The following PCDHA4 variants were observed in gnomAD, a reference collection of about 807,000 sequenced individuals.
The protein encoded by PCDHA4 is protocadherin alpha-4.
Under a neutral mutation model 61.4 loss-of-function variants are expected in PCDHA4, and 49 were observed. That is an observed-to-expected ratio of 0.80 (90% CI 0.63 to 1.01). The LOEUF (loss-of-function observed/expected upper bound fraction) is 1.01, where lower values mean the gene tolerates loss of function less well. Ranked by LOEUF, PCDHA4 falls within the 50% of genes least tolerant of loss-of-function variation. PCDHA4 has a pLI of 0.00. For missense variants in PCDHA4, 1,254 were observed against 1,235.8 expected (o/e 1.01, Z -0.22); for synonymous variants, 590 against 550.3 (o/e 1.07, Z -1.01).
chr5:140,892,813 T>C (rs1335475161), intron 1 of PCDHA4, among the ~76,000 whole-genome samples: 1 of 152,228 alleles, frequency 6.6e-6, no homozygotes, highest in Non-Finnish European at 1.5e-5. Context: ...ACCATATTTA[T>C]CCTACAGTGC....
At chr5:140,829,894 A>C (rs201316180) in intron 1 of PCDHA4, 21 of 1,613,840 alleles carry the variant, frequency 1.3e-5, no homozygotes, top group Non-Finnish European at 1.7e-5. Context: ...ACGCCGACTC[A>C]GGCTACAACG....
chr5:140,987,214 A>G (rs78124050), intron 3 of PCDHA4, among the ~76,000 whole-genome samples: 3 of 131,916 alleles, frequency 2.3e-5, no homozygotes, highest in Admixed American at 2.2e-4. Context: ...ACTCCATCTC[A>G]AAAAAAAAAA....
intron 1 of PCDHA4, among the ~76,000 whole-genome samples, chr5:140,819,733 T>C (rs1554127740): frequency 6.6e-6 from 1 of 152,076 alleles, no homozygotes; most frequent in East Asian, 1.9e-4. Context: ...GATATGAAAG[T>C]GAATCAAAAG....
At chr5:140,962,295 A>G (rs1215334325) in intron 1 of PCDHA4, among the ~76,000 whole-genome samples, 2 of 152,196 alleles carry the variant, frequency 1.3e-5, no homozygotes, top group African/African-American at 4.8e-5. Flanking sequence ...TTAATATTCT[A>G]TGATTCTTGT....
chr5:140,986,018 C>T (rs943946792), intron 3 of PCDHA4, among the ~76,000 whole-genome samples: 2 of 152,110 alleles, frequency 1.3e-5, no homozygotes, highest in African/African-American at 2.4e-5. Flanking sequence ...GGATTACAGG[C>T]GTGAGCCACT....
intron 1 of PCDHA4, chr5:140,968,996 G>T: frequency 1.2e-6 from 2 of 1,614,202 alleles, no homozygotes; most frequent in Non-Finnish European, 1.7e-6. Flanking sequence ...ATGCTGTGGA[G>T]GCTTCTGTGG....
intron 1 of PCDHA4, among the ~76,000 whole-genome samples, chr5:140,827,633 G>C (rs143632043): frequency 2.0e-5 from 3 of 152,212 alleles, no homozygotes; most frequent in Admixed American, 2.0e-4. Flanking sequence ...GTGTAGAATA[G>C]TTTACATTTC....
At chr5:140,838,873 C>T (rs1006134585) in intron 1 of PCDHA4, among the ~76,000 whole-genome samples, 8 of 151,796 alleles carry the variant, frequency 5.3e-5, no homozygotes, top group Non-Finnish European at 1.0e-4. Context: ...AGTTATCATG[C>T]CACTGAACTC....
chr5:140,943,804 G>C (rs996208541), intron 1 of PCDHA4, among the ~76,000 whole-genome samples: 2 of 152,224 alleles, frequency 1.3e-5, no homozygotes, highest in Non-Finnish European at 2.9e-5. Flanking sequence ...AGCAAAAGAG[G>C]AAAGTTTGAA....
At chr5:140,870,077 G>T (rs2051636689) in intron 1 of PCDHA4, 1 of 1,613,688 alleles carries the variant, frequency 6.2e-7, no homozygotes, top group African/African-American at 1.3e-5. Context: ...ACAGATAAGG[G>T]GACTCCCCCA....
intron 1 of PCDHA4, chr5:140,870,381 G>T: frequency 6.2e-7 from 1 of 1,614,214 alleles, no homozygotes; most frequent in African/African-American, 1.3e-5. Flanking sequence ...TGGTGACTGC[G>T]CGGGATGGGG....
At chr5:140,886,288 A>G (rs1227734409) in intron 1 of PCDHA4, among the ~76,000 whole-genome samples, 4 of 151,870 alleles carry the variant, frequency 2.6e-5, no homozygotes, top group Middle Eastern at 3.2e-3. Flanking sequence ...AATTATTTTT[A>G]TATTTATTTA....
intron 1 of PCDHA4, chr5:140,848,793 G>T: frequency 6.3e-7 from 1 of 1,592,844 alleles, no homozygotes; most frequent in African/African-American, 1.3e-5. Context: ...CGGGCGGAGC[G>T]CGGAGTGCAG....
At chr5:140,956,073 T>C (rs2095254120) in intron 1 of PCDHA4, among the ~76,000 whole-genome samples, 1 of 152,208 alleles carries the variant, frequency 6.6e-6, no homozygotes, top group South Asian at 2.1e-4. Context: ...TTTCCAGATA[T>C]AGGATCATGT....
At chr5:140,984,339 A>G (rs956761683) in intron 3 of PCDHA4, among the ~76,000 whole-genome samples, 2 of 152,246 alleles carry the variant, frequency 1.3e-5, no homozygotes, top group Non-Finnish European at 2.9e-5. Context: ...AATAGGAACC[A>G]TGTATTGATA....
chr5:140,870,078 G>C (rs2051638531), intron 1 of PCDHA4: 1 of 1,613,720 alleles, frequency 6.2e-7, no homozygotes, highest in African/African-American at 1.3e-5. Flanking sequence ...CAGATAAGGG[G>C]ACTCCCCCAA....
Position 140,941,114 on chromosome 5 carries a change from T to G in PCDHA4, c.2386-37835T>G, listed in dbSNP as rs193134067. ...TTTCACATACTATTACTGGAAAGAT[T>G]AGTCCTTTGAAGTTCCAGCTTAATG... On this transcript the variant is annotated intron_variant, in intron 1 of 3. Coordinates refer to ENST00000530339, the MANE Select transcript of PCDHA4 (RefSeq NM_018907.4). Among the ~76,000 whole-genome samples, 307 of 152,230 alleles carry G rather than the reference T, an allele frequency of 2.0e-3. 3 individuals carry two copies. Among genetic ancestry groups the G allele is most frequent in the African/African-American group, 7.2e-3 (299 of 41,546 alleles).
At chr5:140,836,729 T>C in intron 1 of PCDHA4, 2 of 1,610,386 alleles carry the variant, frequency 1.2e-6, no homozygotes, top group Non-Finnish European at 1.7e-6. Context: ...GTCCATCCTC[T>C]ACAGACAATG....
chr5:140,856,760 G>T, intron 1 of PCDHA4: 1 of 1,596,522 alleles, frequency 6.3e-7, no homozygotes, highest in Admixed American at 1.7e-5. Context: ...CAATGATAAC[G>T]CCCCTATCTT....
Sources: gnomAD v4.1 joint callset for allele counts (sites outside exome capture counted in the v4.1 genomes callset) on GRCh38, gnomAD v4.1.1 for gene constraint, MANE v1.5 for transcripts, NCBI Gene and HGNC (gene_info 2026-07-23, HGNC 2026-07-21) for gene names.